Variants in RBFOX1 observed in about 807,000 individuals in gnomAD.
RBFOX1 encodes the protein RNA binding fox-1 homolog 1.
A neutral mutation model predicts 57.7 loss-of-function variants in RBFOX1; 8 were observed. That is an observed-to-expected ratio of 0.14 (90% CI 0.08 to 0.25). The LOEUF (loss-of-function observed/expected upper bound fraction) is 0.25, where lower values mean the gene tolerates loss of function less well. Ranked by LOEUF, RBFOX1 falls within the 10% of genes least tolerant of loss-of-function variation. RBFOX1 has a pLI of 1.00. For synonymous variants in RBFOX1, 326 were observed against 222.4 expected (o/e 1.47, Z -4.15); for missense variants, 611 against 548.5 (o/e 1.11, Z -1.14).
chr16:6,683,002 G>T (rs561823539), intron 3 of RBFOX1, among the ~76,000 whole-genome samples: 1 of 152,036 alleles, frequency 6.6e-6, no homozygotes, highest in Non-Finnish European at 1.5e-5. Flanking sequence ...ACACAGCTGG[G>T]CAAGGAGTGA....
intron 1 of RBFOX1, among the ~76,000 whole-genome samples, chr16:6,080,826 G>C (rs945701695): frequency 3.4e-4 from 52 of 152,160 alleles, no homozygotes; most frequent in African/African-American, 1.2e-3. Flanking sequence ...CACATTTTCA[G>C]TGCCCTTTGA....
intron 1 of RBFOX1, among the ~76,000 whole-genome samples, chr16:5,312,344 A>G (rs968103149): frequency 6.6e-6 from 1 of 152,036 alleles, no homozygotes; most frequent in Non-Finnish European, 1.5e-5. Flanking sequence ...TTTGAGATGG[A>G]GTCTTGCTCT....
intron 4 of RBFOX1, among the ~76,000 whole-genome samples, chr16:7,320,004 T>G (rs1244097518): frequency 6.6e-6 from 1 of 152,222 alleles, no homozygotes; most frequent in African/African-American, 2.4e-5. Flanking sequence ...CTTCTAGGAC[T>G]GCCTTTTATG....
chr16:7,378,529 C>G (rs1225373503), intron 4 of RBFOX1, among the ~76,000 whole-genome samples: 2 of 152,144 alleles, frequency 1.3e-5, no homozygotes, highest in Non-Finnish European at 2.9e-5. Context: ...CTGGATATGT[C>G]ATTTCTACCA....
chr16:5,339,470 G>GTGTTTTTTTTTTTTTTTTTTTTT, intron 1 of RBFOX1, among the ~76,000 whole-genome samples: 1 of 40,888 alleles, frequency 2.4e-5, no homozygotes, highest in African/African-American at 8.2e-5. Context: ...CTTTTTCCGT[G>GTGTTTTTTTTTTTTTTTTTTTTT]TTTTTTTTTT....
chr16:5,897,289 C>T (rs1240435376), intron 4 of RBFOX1, among the ~76,000 whole-genome samples: 1 of 152,036 alleles, frequency 6.6e-6, no homozygotes, highest in Non-Finnish European at 1.5e-5. Flanking sequence ...CCCGCCTCGG[C>T]CTCCCAAAGT....
At chr16:5,630,578 C>T (rs4786048) in intron 3 of RBFOX1, among the ~76,000 whole-genome samples, 50,553 of 152,078 alleles carry the variant, frequency 0.33, 11,217 homozygotes, top group African/African-American at 0.63. Flanking sequence ...CTTCAGAGCA[C>T]TGGCGGGTGG....
chr16:6,657,201 C>T (rs530724620), intron 3 of RBFOX1, among the ~76,000 whole-genome samples: 15 of 151,472 alleles, frequency 9.9e-5, no homozygotes, highest in South Asian at 8.4e-4. Context: ...CCCACTTTCT[C>T]GTCTTCCTTC....
intron 1 of RBFOX1, among the ~76,000 whole-genome samples, chr16:6,124,474 T>C (rs1197458078): frequency 6.6e-6 from 1 of 152,128 alleles, no homozygotes; most frequent in Non-Finnish European, 1.5e-5. Flanking sequence ...GACTGGGACC[T>C]GGTAGCTGGA....
At chr16:5,958,328 T>C (rs2059686786) in intron 4 of RBFOX1, among the ~76,000 whole-genome samples, 1 of 152,216 alleles carries the variant, frequency 6.6e-6, no homozygotes, top group Admixed American at 6.5e-5. Context: ...AGAAAGTGAC[T>C]GTTTTGCTAA....
Position 5,905,003 on chromosome 16 carries a change from A to T in RBFOX1, c.351+37668A>T, listed in dbSNP as rs186588061. 3.2e-3 allele frequency among the ~76,000 whole-genome samples: 478 copies of T among 148,556 alleles called. 5 individuals are homozygous for T. The highest frequency in any genetic ancestry group is 0.011 in the African/African-American group (456 of 40,230). Reference sequence around the variant, plus strand: ...AAAAAAAAAAAAAAAAAGAGAGGTAATCAGATGAAAATAAGTTCACTGGGT... The same window carrying T: ...AAAAAAAAAAAAAAAAAGAGAGGTATTCAGATGAAAATAAGTTCACTGGGT... On this transcript the variant is annotated intron_variant, in intron 4 of 19. Coordinates refer to the RBFOX1 transcript ENST00000641259.
intron 4 of RBFOX1, among the ~76,000 whole-genome samples, chr16:7,392,681 A>G (rs1280452083): frequency 6.6e-6 from 1 of 152,200 alleles, no homozygotes; most frequent in Non-Finnish European, 1.5e-5. Flanking sequence ...TCATAGTAGC[A>G]TAAGCACAAG....
intron 1 of RBFOX1, among the ~76,000 whole-genome samples, chr16:5,241,826 C>T (rs1486589785): frequency 1.9e-4 from 29 of 151,948 alleles, no homozygotes; most frequent in Non-Finnish European, 3.8e-4. Context: ...CTTGGCCGGG[C>T]GTGGTGGCTC....
At chr16:7,627,546 G>C (rs1314454043) in intron 10 of RBFOX1, among the ~76,000 whole-genome samples, 1 of 152,204 alleles carries the variant, frequency 6.6e-6, no homozygotes, top group Admixed American at 6.5e-5. Flanking sequence ...GCTAGGGACA[G>C]ATAGAAGATC....
chr16:6,127,181 G>T (rs912272168), intron 1 of RBFOX1, among the ~76,000 whole-genome samples: 45 of 152,132 alleles, frequency 3.0e-4, no homozygotes, highest in African/African-American at 1.1e-3. Context: ...AATGGAGTAA[G>T]AGGGTAATGA....
intron 3 of RBFOX1, among the ~76,000 whole-genome samples, chr16:6,683,130 C>G (rs923245500): frequency 2.0e-5 from 3 of 152,052 alleles, no homozygotes; most frequent in East Asian, 1.9e-4. Context: ...GATGAAAGAG[C>G]TAACTAGCAG....
intron 1 of RBFOX1, among the ~76,000 whole-genome samples, chr16:5,309,981 G>A (rs2151218484): frequency 6.6e-6 from 1 of 152,322 alleles, no homozygotes; most frequent in East Asian, 1.9e-4. Context: ...TCTGTACACT[G>A]TGAACTGACA....
At chr16:7,420,049 C>T (rs1384784829) in intron 4 of RBFOX1, among the ~76,000 whole-genome samples, 1 of 149,790 alleles carries the variant, frequency 6.7e-6, no homozygotes, top group Non-Finnish European at 1.5e-5. Flanking sequence ...TGTTTCTTTT[C>T]ATAGCCTTTA....
At chr16:7,528,982 G>A (rs2079329427) in intron 5 of RBFOX1, among the ~76,000 whole-genome samples, 1 of 152,198 alleles carries the variant, frequency 6.6e-6, no homozygotes, top group African/African-American at 2.4e-5. Context: ...CGGAAGGCCA[G>A]GCACAGTGGC....
Sources: gnomAD v4.1 joint callset for allele counts (sites outside exome capture counted in the v4.1 genomes callset) on GRCh38, gnomAD v4.1.1 for gene constraint, MANE v1.5 for transcripts, NCBI Gene and HGNC (gene_info 2026-07-23, HGNC 2026-07-21) for gene names.